LINGO2: variants seen among roughly 807,000 people sequenced by gnomAD.
LINGO2 encodes leucine-rich repeat and immunoglobulin-like domain-containing nogo receptor-interacting protein 2.
LINGO2 carries 14 observed loss-of-function variants against 30.6 expected under a neutral mutation model. The ratio of observed to expected loss-of-function variants is 0.46; its 90% CI spans 0.30 to 0.72. The LOEUF is 0.72. LINGO2 is among the 30% of genes least tolerant of loss of function. The pLI, the probability that LINGO2 is intolerant of heterozygous loss-of-function variation, is 0.07. For synonymous variants in LINGO2, 317 were observed against 288.5 expected, an observed-to-expected ratio of 1.10 and a Z score of -1.00; for missense variants, 729 against 751.7, an observed-to-expected ratio of 0.97 and a Z score of 0.35.
At chr9:28,357,867 A>G (rs1292816187) in intron 3 of LINGO2, among the ~76,000 whole-genome samples, 1 of 152,144 alleles carries the variant, frequency 6.6e-6, no homozygotes, top group East Asian at 1.9e-4. Flanking sequence ...CCTAGTAGGG[A>G]ATCAATACAT....
chr9:28,509,615 C>A (rs561557870), intron 1 of LINGO2, among the ~76,000 whole-genome samples: 1 of 152,078 alleles, frequency 6.6e-6, no homozygotes, highest in Non-Finnish European at 1.5e-5. Flanking sequence ...TTAAGGAGGT[C>A]GTAAAGGTTA....
intron 2 of LINGO2, among the ~76,000 whole-genome samples, chr9:28,390,899 T>G (rs187353757): frequency 1.3e-5 from 2 of 152,328 alleles, no homozygotes; most frequent in South Asian, 2.1e-4. Context: ...ATCTCTTTTA[T>G]TCTTCTATCT....
chr9:29,175,695 T>A, the LINGO2 span, among the ~76,000 whole-genome samples: 2 of 152,010 alleles, frequency 1.3e-5, no homozygotes, highest in African/African-American at 4.8e-5. Flanking sequence ...CCTGGCTAAT[T>A]TTTGTATCTT....
At chr9:27,998,906 C>T (rs954504890) in intron 5 of LINGO2, among the ~76,000 whole-genome samples, 2 of 152,044 alleles carry the variant, frequency 1.3e-5, no homozygotes, top group African/African-American at 2.4e-5. Context: ...TGTTGTTACA[C>T]CATACAAATT....
chr9:29,069,418 A>G, the LINGO2 span, among the ~76,000 whole-genome samples: 4 of 149,174 alleles, frequency 2.7e-5, no homozygotes, highest in Non-Finnish European at 6.0e-5. Flanking sequence ...AAGGGATATC[A>G]ATTAGTATTA....
At chr9:28,156,256 G>A (rs749438279) in intron 4 of LINGO2, among the ~76,000 whole-genome samples, 3 of 152,124 alleles carry the variant, frequency 2.0e-5, no homozygotes, top group Non-Finnish European at 4.4e-5. Flanking sequence ...CTCCCTAAAC[G>A]TGAATAAGAT....
chr9:28,104,833 T>C (rs1826534396), intron 4 of LINGO2, among the ~76,000 whole-genome samples: 1 of 152,126 alleles, frequency 6.6e-6, no homozygotes, highest in South Asian at 2.1e-4. Context: ...ATTTTTATTT[T>C]AGAAATATTT....
the LINGO2 span, among the ~76,000 whole-genome samples, chr9:28,852,221 A>G: frequency 6.6e-6 from 1 of 152,120 alleles, no homozygotes; most frequent in East Asian, 1.9e-4. Flanking sequence ...TGTTCATTAT[A>G]CATCACAAGC....
chr9:28,351,421 A>G lies in LINGO2; in HGVS notation c.-246+21415T>C, dbSNP rs185881230. Among the ~76,000 whole-genome samples the G allele has an allele frequency of 2.5e-3, 378 of 151,806 alleles. 14 individuals carry two copies. The highest frequency in any genetic ancestry group is 0.025 in the Admixed American group (377 of 15,222). ...CTAGAAGAAATGGATAAATTCCTCG[A>G]CACATACGCTCTCCCAAGACTAAAC... is the stretch of plus-strand genomic sequence containing the variant. On this transcript the variant is annotated intron_variant, in intron 3 of 5. Transcript: ENST00000379992.
At chr9:28,385,663 A>T (rs2134656718) in intron 2 of LINGO2, among the ~76,000 whole-genome samples, 1 of 152,270 alleles carries the variant, frequency 6.6e-6, no homozygotes, top group East Asian at 1.9e-4. Context: ...GAAGTCTCAA[A>T]TGTACTAAAT....
intron 2 of LINGO2, among the ~76,000 whole-genome samples, chr9:28,385,618 C>G (rs1256310424): frequency 2.0e-5 from 3 of 152,062 alleles, no homozygotes; most frequent in Non-Finnish European, 2.9e-5. Context: ...ATGGAGCGAA[C>G]AAAAGATAAA....
intron 4 of LINGO2, among the ~76,000 whole-genome samples, chr9:28,018,327 G>A (rs1822943863): frequency 6.6e-6 from 1 of 152,068 alleles, no homozygotes; most frequent in Non-Finnish European, 1.5e-5. Flanking sequence ...GATGCCAAAA[G>A]CAATTCCAAC....
At chr9:28,003,039 G>A (rs10968266) in intron 5 of LINGO2, among the ~76,000 whole-genome samples, 1,965 of 152,178 alleles carry the variant, frequency 0.013, 40 homozygotes, top group African/African-American at 0.045. Flanking sequence ...ATTGAAAAAT[G>A]AATAAGTTAA....
the LINGO2 span, among the ~76,000 whole-genome samples, chr9:29,080,538 C>G: frequency 4.1e-4 from 62 of 151,798 alleles, no homozygotes; most frequent in African/African-American, 1.3e-3. Context: ...GTGATGTTAG[C>G]GTGTCAATTT....
chr9:28,734,210 C>T, the LINGO2 span, among the ~76,000 whole-genome samples: 12 of 152,198 alleles, frequency 7.9e-5, 1 homozygote, highest in South Asian at 1.0e-3. Context: ...TGTGATACCA[C>T]GACAGTCAAG....
chr9:28,664,416 G>A (rs1281684660), intron 1 of LINGO2, among the ~76,000 whole-genome samples: 4 of 152,040 alleles, frequency 2.6e-5, no homozygotes, highest in African/African-American at 9.7e-5. Flanking sequence ...CTACTCACTC[G>A]CAATTTAAGC....
rs1172462575 is a variant in LINGO2, at chr9:28,607,375, T to G, written c.-365+62825A>C. ...TTATCATGTTGGAATATACAGGAGTTTATATTTTTTCCTATTCATATTTTT... is the reference window on the plus strand; with the variant it reads ...TTATCATGTTGGAATATACAGGAGTGTATATTTTTTCCTATTCATATTTTT... On this transcript the variant is annotated intron_variant, in intron 1 of 5. Coordinates refer to ENST00000379992, the Ensembl canonical transcript of LINGO2. 2.0e-5 allele frequency among the ~76,000 whole-genome samples: 3 copies of G among 152,010 alleles called. No homozygotes were observed. The East Asian group carries it at 5.8e-4, about 29-fold the overall frequency.
chr9:28,303,462 C>T lies in LINGO2; in HGVS notation c.-245-8096G>A, dbSNP rs575505804. On this transcript the variant is annotated intron_variant, in intron 3 of 5. Coordinates refer to ENST00000379992, the Ensembl canonical transcript of LINGO2. The stretch of plus-strand genomic sequence containing the variant: ...AAACTGTAGTTATATATAAAATTGA[C>T]CCCTGAACAACATGTGGATTAGGAA... 1.2e-3 allele frequency among the ~76,000 whole-genome samples: 181 copies of T among 152,078 alleles called. 1 individual carries two copies. The highest frequency in any genetic ancestry group is 2.5e-3 in the Non-Finnish European group (169 of 67,990).
the LINGO2 span, among the ~76,000 whole-genome samples, chr9:28,823,814 C>G: frequency 6.6e-6 from 1 of 152,062 alleles, no homozygotes; most frequent in Non-Finnish European, 1.5e-5. Flanking sequence ...TTAAAAGGCC[C>G]TCTAGTATAT....
Sources: allele counts gnomAD v4.1 joint callset (sites outside exome capture counted in the v4.1 genomes callset), GRCh38; gene constraint gnomAD v4.1.1; transcripts MANE v1.5; gene names NCBI Gene and HGNC (gene_info 2026-07-23, HGNC 2026-07-21).